The following GCC2 variants were observed in gnomAD, a reference collection of about 807,000 sequenced individuals.
The protein encoded by GCC2 is GRIP and coiled-coil domain-containing protein 2.
GCC2 carries 120 observed loss-of-function variants against 210.6 expected under a neutral mutation model. The observed-to-expected ratio is 0.57, with a 90% CI of 0.49 to 0.66. The LOEUF (loss-of-function observed/expected upper bound fraction) is 0.66. GCC2 is among the 30% of genes least tolerant of loss of function. GCC2 has a pLI of 0.00. For missense variants in GCC2, 1,868 were observed against 1,871.9 expected (o/e 1.00, Z 0.04); for synonymous variants, 703 against 652.7 (o/e 1.08, Z -1.17).
chr2:108,483,715 T>C (rs1681989152), intron 12 of GCC2, among the ~76,000 whole-genome samples: 1 of 152,246 alleles, frequency 6.6e-6, no homozygotes, highest in South Asian at 2.1e-4. Context: ...TCATTTTGTA[T>C]ACATGATTGT....
chr2:108,472,314 A>G (rs1167052680), intron 6 of GCC2, among the ~76,000 whole-genome samples, 198 bp downstream of exon 6: 3 of 152,126 alleles, frequency 2.0e-5, no homozygotes, highest in African/African-American at 7.2e-5. Context: ...GGAGTTTTAG[A>G]TACTTTTAAA....
chr2:108,500,081 A>C (rs917192687), intron 22 of GCC2, among the ~76,000 whole-genome samples: 10 of 152,010 alleles, frequency 6.6e-5, no homozygotes, highest in Non-Finnish European at 1.2e-4. Context: ...TTTTTAAAAA[A>C]CATTTATTAG....
chr2:108,449,431 T>A, intron 1 of GCC2, 151 bp downstream of exon 1: 1 of 1,393,442 alleles, frequency 7.2e-7, no homozygotes, highest in South Asian at 1.4e-5. Flanking sequence ...GTAAACTCTA[T>A]CCCTGGGGGT....
At chr2:108,497,325 C>G (rs1045024215) in intron 21 of GCC2, among the ~76,000 whole-genome samples, 8 of 152,158 alleles carry the variant, frequency 5.3e-5, no homozygotes, top group African/African-American at 1.9e-4. Flanking sequence ...ACCATGTTAG[C>G]CAGGATGGTC....
intron 7 of GCC2, chr2:108,473,312 TAAAA>T (rs11334213): frequency 4.2e-5 from 6 of 141,732 alleles, no homozygotes; most frequent in Non-Finnish European, 9.2e-5. Flanking sequence ...TGTTTTGAGT[TAAAA>T]AAAAAAAAAA....
At chr2:108,505,968 A>G (rs1195443862) in intron 22 of GCC2, among the ~76,000 whole-genome samples, 2 of 152,182 alleles carry the variant, frequency 1.3e-5, no homozygotes, top group African/African-American at 4.8e-5. Context: ...ACATACATAT[A>G]TACGTATGAA....
intron 9 of GCC2, among the ~76,000 whole-genome samples, chr2:108,476,843 G>A (rs1468899211): frequency 2.0e-5 from 3 of 152,022 alleles, no homozygotes; most frequent in Non-Finnish European, 4.4e-5. Flanking sequence ...TACAAAAATA[G>A]AAGATACATA....
intron 22 of GCC2, among the ~76,000 whole-genome samples, chr2:108,504,506 A>G (rs180907948): frequency 2.2e-4 from 33 of 152,326 alleles, no homozygotes; most frequent in African/African-American, 6.3e-4. Context: ...TTAGAGTGTA[A>G]CAGTAGTCCC....
At chr2:108,483,695 G>T (rs1681988510) in intron 12 of GCC2, among the ~76,000 whole-genome samples, 1 of 152,096 alleles carries the variant, frequency 6.6e-6, no homozygotes, top group African/African-American at 2.4e-5. Context: ...CAAGATTTTG[G>T]TTTGACAGTT....
chr2:108,483,158 G>C lies in GCC2; in HGVS notation c.3442G>C (p.Val1148Leu), dbSNP rs747178123. The C allele has an allele frequency of 2.8e-6, 4 of 1,449,348 alleles. No homozygotes were observed. The South Asian group carries it at 3.4e-5, about 12-fold the overall frequency. The allele number at this position is 1,449,348 out of a possible 1,614,324, so 89.8% of individuals were successfully genotyped here. ...LQKTMQELEL[V>L]KKDAQQTTLM... ...GAAAACCATGCAAGAATTAGAGCTG[G>C]TTAAAAAGGTAAAATAAAACACTAG... Residue 1148 changes from valine (V) to leucine (L), a missense_variant, in exon 12 of 23, where the codon GTT becomes CTT. By Grantham distance (32) the Val-to-Leu change is conservative (BLOSUM62 1). Coordinates refer to ENST00000309863, the MANE Select transcript of GCC2 (RefSeq NM_181453.4).
In GCC2 at chr2:108,489,913, A is replaced by G. The variant is rs939766734; in HGVS notation, c.4128A>G (p.Val1376=). 7.4e-6 allele frequency: 12 copies of G among 1,611,336 alleles called. No homozygotes were observed. The highest frequency in any genetic ancestry group is 9.3e-6 in the Non-Finnish European group (11 of 1,178,404). ...QDSQNNLQIN[V]SELQTLQSEH... is the part of the protein sequence containing the mutation. ...GCCAAAATAACTTACAGATTAATGT[A>G]TCTGAACTTCAAACATTGCAGTCTG... Residue 1376 remains valine (V), a synonymous_variant, in exon 18 of 23, where the codon GTA becomes GTG. Coordinates refer to ENST00000309863, the MANE Select transcript of GCC2 (RefSeq NM_181453.4).
In GCC2 at chr2:108,481,849, A is replaced by AT. The variant is rs748989731; in HGVS notation, c.3180+34dup. 8 of 1,440,110 alleles carry AT rather than the reference A, an allele frequency of 5.6e-6. No individual in the cohort carries two copies. In the East Asian group the frequency reaches 9.2e-5, roughly 17 times the overall value. The allele number at this position is 1,440,110 out of a possible 1,614,324, so 89.2% of individuals were successfully genotyped here. ...TTTAATAAATCCAAAAATGAAAACT[A>AT]TAACAGGTATATTTTAATCTCAATA... On this transcript the variant is annotated intron_variant, in intron 10 of 22. Transcript: ENST00000309863.
At chr2:108,463,399 T>C (rs1003327255) in intron 4 of GCC2, among the ~76,000 whole-genome samples, 2 of 152,210 alleles carry the variant, frequency 1.3e-5, no homozygotes, top group Admixed American at 6.5e-5. Context: ...ATTGCTTGGG[T>C]AGAGCACAGT....
At chr2:108,497,470 T>C (rs1276529363) in intron 21 of GCC2, among the ~76,000 whole-genome samples, 23 of 152,216 alleles carry the variant, frequency 1.5e-4, no homozygotes, top group Admixed American at 1.4e-3. Context: ...TCCTACTTTT[T>C]CTAAGAAACC....
chr2:108,492,471 T>C (rs1393990332), intron 18 of GCC2, 102 bp from the exon 19 acceptor site: 4 of 715,278 alleles, frequency 5.6e-6, no homozygotes, highest in Admixed American at 2.1e-5. Flanking sequence ...ATACATTCAG[T>C]AGAGGTCTTA....
intron 2 of GCC2, chr2:108,449,907 CA>C (rs1476622624): frequency 3.6e-6 from 2 of 558,816 alleles, no homozygotes; most frequent in Non-Finnish European, 6.4e-6. Context: ...TCCTGGTTAG[CA>C]CTGCTGGGAG....
Position 108,486,652 on chromosome 2 carries a change from C to T in GCC2, c.3930+4C>T, listed in dbSNP as rs3754925. 658,403 of 1,605,454 alleles carry T rather than the reference C, an allele frequency of 0.41. 143,977 individuals carry two copies. The highest frequency in any genetic ancestry group is 0.85 in the East Asian group (37,823 of 44,732). On this transcript the variant is annotated splice_donor_region_variant and intron_variant, in intron 16 of 22. Coordinates refer to ENST00000309863, the MANE Select transcript of GCC2 (RefSeq NM_181453.4). ...GGAAGAGTGCCGTGCTGCCAAGGTG[C>T]GTTCTTCAGGGCAGCCACAGCAAGC...
At chr2:108,480,123 T>G (rs1011080033) in intron 9 of GCC2, among the ~76,000 whole-genome samples, 1 of 152,178 alleles carries the variant, frequency 6.6e-6, no homozygotes, top group African/African-American at 2.4e-5. Context: ...CGTTTCTCTT[T>G]TATGCATAAT....
At chr2:108,463,136 T>C (rs557206516) in intron 4 of GCC2, among the ~76,000 whole-genome samples, 64 of 152,268 alleles carry the variant, frequency 4.2e-4, no homozygotes, top group Non-Finnish European at 6.5e-4. Flanking sequence ...TTGGAAACTT[T>C]TTGTATCTCA....
Sources: allele counts gnomAD v4.1 joint callset (sites outside exome capture counted in the v4.1 genomes callset), GRCh38; gene constraint gnomAD v4.1.1; transcripts MANE v1.5; gene names NCBI Gene and HGNC (gene_info 2026-07-23, HGNC 2026-07-21).